RNF216: variants seen among roughly 807,000 people sequenced by gnomAD.
RNF216 encodes E3 ubiquitin-protein ligase RNF216.
A neutral mutation model predicts 110.8 loss-of-function variants in RNF216; 72 were observed. The observed-to-expected ratio is 0.65, with a 90% confidence interval of 0.54 to 0.79. The LOEUF (loss-of-function observed/expected upper bound fraction) is 0.79. Among genes scored for constraint, RNF216 ranks in the 30% least tolerant of loss-of-function variants. The probability of loss-of-function intolerance (pLI) is 0.00; values close to 1 mark genes in which losing one functional copy is unlikely to be tolerated. For missense variants in RNF216, 1,342 were observed against 1,141.2 expected (o/e 1.18, Z -2.54); for synonymous variants, 495 against 407.5 (o/e 1.21, Z -2.59).
chr7:5,659,494 G>A (rs1378864965), intron 13 of RNF216, among the ~76,000 whole-genome samples: 2 of 152,186 alleles, frequency 1.3e-5, no homozygotes, highest in Non-Finnish European at 2.9e-5. Context: ...GGAGAGTGGA[G>A]AATGGACCAT....
intron 13 of RNF216, among the ~76,000 whole-genome samples, chr7:5,709,980 C>G (rs1792562280): frequency 1.3e-5 from 2 of 152,140 alleles, no homozygotes; most frequent in African/African-American, 4.8e-5. Context: ...TCTCGGACTC[C>G]TAGTCTCAAG....
chr7:5,685,183 T>C (rs1790899207), intron 13 of RNF216, among the ~76,000 whole-genome samples: 1 of 152,142 alleles, frequency 6.6e-6, no homozygotes, highest in Non-Finnish European at 1.5e-5. Context: ...CCATGTACAA[T>C]GTCCACCACG....
At chr7:5,763,039 C>A (rs906328595) in intron 1 of RNF216, among the ~76,000 whole-genome samples, 4 of 152,076 alleles carry the variant, frequency 2.6e-5, no homozygotes, top group Non-Finnish European at 5.9e-5. Context: ...GGGGCCAAAG[C>A]AGCAGAACTA....
At chr7:5,656,391 T>G (rs1788743984) in intron 13 of RNF216, among the ~76,000 whole-genome samples, 1 of 152,210 alleles carries the variant, frequency 6.6e-6, no homozygotes, top group South Asian at 2.1e-4. Flanking sequence ...AGGGCCATTT[T>G]GGAAGGCAAA....
chr7:5,772,775 C>CT (rs34504327), intron 1 of RNF216, among the ~76,000 whole-genome samples: 10,942 of 133,472 alleles, frequency 0.082, 583 homozygotes, highest in Non-Finnish European at 0.11. Context: ...AAAGATATTC[C>CT]TTTTTTTTTT....
intron 15 of RNF216, among the ~76,000 whole-genome samples, chr7:5,640,099 TG>T (rs1455800647): frequency 6.6e-6 from 1 of 151,176 alleles, no homozygotes; most frequent in South Asian, 2.1e-4. Flanking sequence ...GGTCTCACTA[TG>T]TTAACCAGGC....
At chr7:5,635,277 C>A (rs1283278391) in intron 15 of RNF216, among the ~76,000 whole-genome samples, 3 of 151,734 alleles carry the variant, frequency 2.0e-5, no homozygotes, top group Non-Finnish European at 4.4e-5. Context: ...TCACACCCAC[C>A]CCACTAACTT....
intron 3 of RNF216, among the ~76,000 whole-genome samples, chr7:5,752,464 T>C (rs1377372102): frequency 1.3e-5 from 2 of 152,164 alleles, no homozygotes; most frequent in Non-Finnish European, 2.9e-5. Flanking sequence ...ATCTTTATAT[T>C]TTGGAACTAA....
chr7:5,641,867 T>C (rs1787751895), intron 14 of RNF216, among the ~76,000 whole-genome samples: 1 of 151,688 alleles, frequency 6.6e-6, no homozygotes, highest in African/African-American at 2.4e-5. Flanking sequence ...AAACTGTCTC[T>C]ACTAAAAATA....
intron 3 of RNF216, among the ~76,000 whole-genome samples, chr7:5,747,348 G>A (rs971335015): frequency 6.6e-6 from 1 of 152,202 alleles, no homozygotes; most frequent in African/African-American, 2.4e-5. Flanking sequence ...GGGACCAGGG[G>A]AAGGAGAGGG....
At chr7:5,629,194 CAA>C (rs112745079) in intron 15 of RNF216, among the ~76,000 whole-genome samples, 2,520 of 82,866 alleles carry the variant, frequency 0.03, 27 homozygotes, top group Non-Finnish European at 0.052. Context: ...GACTCTGTCT[CAA>C]AAAAAAAAAA....
intron 13 of RNF216, among the ~76,000 whole-genome samples, chr7:5,653,357 G>A (rs1405229872): frequency 1.3e-5 from 2 of 151,986 alleles, no homozygotes; most frequent in African/African-American, 4.8e-5. Flanking sequence ...TTGGGAGGCC[G>A]AGGTGGGCGG....
chr7:5,686,721 T>G (rs1468792801), intron 13 of RNF216, among the ~76,000 whole-genome samples: 1 of 152,216 alleles, frequency 6.6e-6, no homozygotes, highest in Non-Finnish European at 1.5e-5. Context: ...CTACAGAAGA[T>G]CTTAAAACAG....
intron 3 of RNF216, among the ~76,000 whole-genome samples, chr7:5,742,533 C>A (rs115087172): frequency 6.6e-6 from 1 of 150,516 alleles, no homozygotes; most frequent in Non-Finnish European, 1.5e-5. Flanking sequence ...CCTGTAAGAC[C>A]GGCAAACTTT....
intron 1 of RNF216, among the ~76,000 whole-genome samples, chr7:5,776,984 G>C (rs969275600): frequency 3.3e-5 from 5 of 151,838 alleles, no homozygotes; most frequent in Non-Finnish European, 7.4e-5. Context: ...GTGAAAGAAA[G>C]GAAGAGAAAG....
At chr7:5,679,740 A>C (rs1192657184) in intron 13 of RNF216, among the ~76,000 whole-genome samples, 2 of 143,860 alleles carry the variant, frequency 1.4e-5, no homozygotes, top group African/African-American at 5.1e-5. Context: ...GGCAGGCACC[A>C]CTGAGAGAAG....
intron 14 of RNF216, among the ~76,000 whole-genome samples, chr7:5,649,375 C>T (rs1020270547): frequency 2.5e-5 from 3 of 120,778 alleles, no homozygotes; most frequent in East Asian, 3.4e-4. Flanking sequence ...ACGGAGACTC[C>T]GTCTCCAAAG....
chr7:5,757,011 A>G (rs1795679874), intron 2 of RNF216, among the ~76,000 whole-genome samples: 1 of 152,172 alleles, frequency 6.6e-6, no homozygotes, highest in South Asian at 2.1e-4. Context: ...GTATCTCATA[A>G]ATGTAATAGG....
At chr7:5,664,305 A>C (rs184422665) in intron 13 of RNF216, among the ~76,000 whole-genome samples, 1 of 152,278 alleles carries the variant, frequency 6.6e-6, no homozygotes, top group African/African-American at 2.4e-5. Flanking sequence ...AGGTTAATTC[A>C]TTACAGCTTC....
Sources: allele counts gnomAD v4.1 joint callset (sites outside exome capture counted in the v4.1 genomes callset), GRCh38; gene constraint gnomAD v4.1.1; transcripts MANE v1.5; gene names NCBI Gene and HGNC (gene_info 2026-07-23, HGNC 2026-07-21).